The following MSH5 variants were observed in gnomAD, a reference collection of about 807,000 sequenced individuals.
MSH5 encodes the protein mutS homolog 5, also known as mutS protein homolog 5.
A neutral mutation model predicts 107.7 loss-of-function variants in MSH5; 78 were observed. That is an observed-to-expected ratio of 0.72 (90% CI 0.60 to 0.87). MSH5 has a LOEUF of 0.87. Among genes scored for constraint, MSH5 ranks in the 40% least tolerant of loss-of-function variants. MSH5 has a pLI of 0.00. For synonymous variants in MSH5, 326 were observed against 399.5 expected, an observed-to-expected ratio of 0.82 and a Z score of 2.19; for missense variants, 889 against 1,046.6, an observed-to-expected ratio of 0.85 and a Z score of 2.08.
chr6:31,740,296 G>A lies in MSH5; in HGVS notation c.-13-158G>A. The A allele has an allele frequency of 1.5e-6, 1 of 659,142 alleles. No individual in the cohort carries two copies. The highest frequency in any genetic ancestry group is 2.5e-6 in the Non-Finnish European group (1 of 403,640). The allele number at this position is 659,142 out of a possible 1,614,324, so 40.8% of individuals were successfully genotyped here. A position where few individuals can be genotyped will look rare whatever the true frequency, so the allele number is the denominator to read the frequency against. On this transcript the variant is annotated intron_variant, in intron 1 of 24. Coordinates refer to ENST00000375750, the MANE Select transcript of MSH5 (RefSeq NM_172166.4). The surrounding 1 kb of genome is among the most constrained non-coding windows in gnomAD (Gnocchi z 4.4). ...ATCTGTACTTTAGTTAAATACCCGA[G>A]AATTCACCTCCTGTGTCCACAGCTC...
chr6:31,749,161 A>C lies in MSH5; in HGVS notation c.812+1729A>C, dbSNP rs575723809. Among the ~76,000 whole-genome samples the C allele has an allele frequency of 3.9e-5, 6 of 152,020 alleles. No homozygotes were observed. The South Asian group carries it at 8.3e-4, about 21-fold the overall frequency. ...GAACTGCTGACCTCGTGATCTGCCC[A>C]CCTCGGCCTCCCAAAGTGCTGGGAT... On this transcript the variant is annotated intron_variant, in intron 10 of 24. Transcript: ENST00000375750.
chr6:31,754,753 CTTT>C (rs71552080), intron 12 of MSH5, among the ~76,000 whole-genome samples: 8 of 135,342 alleles, frequency 5.9e-5, no homozygotes, highest in African/African-American at 5.6e-5. Flanking sequence ...TTTCTTTTTT[CTTT>C]TTTTTTTTTT....
At position 31,760,690 on chromosome 6, in the gene MSH5, G is replaced by A. The variant is rs1308996881; in HGVS notation, c.1813G>A (p.Val605Ile). 2 of 1,612,974 alleles carry A rather than the reference G, an allele frequency of 1.2e-6. No individual in the cohort carries two copies. Among genetic ancestry groups the A allele is most frequent in the African/African-American group, 2.7e-5 (2 of 75,056 alleles). ...SSGKSIYLKQVGLITFMALVG... is the reference protein window; with the variant it reads ...SSGKSIYLKQIGLITFMALVG... ...AGGCCCTGTCTCCTTCCCTATTCAG[G>A]TAGGCTTGATCACATTCATGGCCCT... The change falls in exon 20 of 25, where the codon GTA (valine) becomes ATA (isoleucine). Residue 605 changes from valine (V) to isoleucine (I), a missense_variant and splice_region_variant. By Grantham distance (29) the Val-to-Ile change is conservative. Around this residue, in one of 3 missense-constraint regions of MSH5, gnomAD observed 362 missense variants for 456.2 expected, o/e 0.79. Coordinates refer to ENST00000375750, the MANE Select transcript of MSH5 (RefSeq NM_172166.4). This position sits in a 1 kb window ranked among gnomAD's most constrained non-coding sequence, Gnocchi z 5.6.
intron 12 of MSH5, chr6:31,757,901 C>A: frequency 1.9e-6 from 1 of 518,468 alleles, no homozygotes; most frequent in Admixed American, 3.5e-5. Flanking sequence ...AACTCCTGAC[C>A]TCAGGTGATC....
rs1810900488 is a variant in MSH5, at chr6:31,760,582, C to T, written c.1813-108C>T. On this transcript the variant is annotated intron_variant, in intron 19 of 24. Transcript: ENST00000375750. The surrounding 1 kb of genome is among the most constrained non-coding windows in gnomAD (Gnocchi z 5.6). ...TCAGTGTGTCTGTTACCTATTTCTC[C>T]TGTTTCACCCTGTCCATTTCTCTTT... 3 of 1,405,738 alleles carry T rather than the reference C, an allele frequency of 2.1e-6. No homozygotes were observed. The highest frequency in any genetic ancestry group is 2.3e-5 in the South Asian group (2 of 86,402). 87.1% of individuals were successfully genotyped at this position (1,405,738 alleles called of 1,614,324 possible).
At chr6:31,752,488 G>A (rs776858669) in intron 10 of MSH5, among the ~76,000 whole-genome samples, 6 of 152,112 alleles carry the variant, frequency 3.9e-5, no homozygotes, top group African/African-American at 7.2e-5. Context: ...TTTGGGAGCC[G>A]AGGCGGGCAG....
chr6:31,743,315 C>G (rs1037098478), intron 5 of MSH5, 145 bp downstream of exon 5: 3 of 805,448 alleles, frequency 3.7e-6, no homozygotes, highest in Admixed American at 4.2e-5. Flanking sequence ...CCTGTCCCCC[C>G]AAGATCTCTC....
chr6:31,747,544 G>A (rs1809572377), intron 10 of MSH5, 112 bp downstream of exon 10: 1 of 1,117,142 alleles, frequency 9.0e-7, no homozygotes, highest in Admixed American at 2.0e-5. Flanking sequence ...ACCCCACCTA[G>A]TAGTAGTAAA....
intron 23 of MSH5, 42 bp from the exon 24 acceptor site, chr6:31,762,070 C>G (rs1413557999): frequency 6.2e-7 from 1 of 1,612,860 alleles, no homozygotes; most frequent in Non-Finnish European, 8.5e-7. Flanking sequence ...CCCTTCTCTT[C>G]CCCACTCCCC....
At chr6:31,753,139 C>A in intron 10 of MSH5, 162 bp from the exon 11 acceptor site, 1 of 838,046 alleles carries the variant, frequency 1.2e-6, no homozygotes, top group Non-Finnish European at 1.9e-6. Context: ...CATGTAAACA[C>A]ACCTGAATGG....
At chr6:31,752,565 C>A (rs1026027319) in intron 10 of MSH5, among the ~76,000 whole-genome samples, 83 of 152,002 alleles carry the variant, frequency 5.5e-4, no homozygotes, top group African/African-American at 1.9e-3. Context: ...ACTAAAAATA[C>A]AACAATTAGC....
At position 31,753,443 on chromosome 6, in the gene MSH5, A is replaced by G. The variant is rs1810149163; in HGVS notation, c.951+4A>G. 1 of 1,613,246 alleles carries G rather than the reference A, an allele frequency of 6.2e-7. No homozygotes were observed. On this transcript the variant is annotated splice_donor_region_variant and intron_variant, in intron 11 of 24. Transcript: ENST00000375750. ...GGGTCACATCAAGAACGTGCCTGTG[A>G]GCCCAGGGTGGAGGGCAGGGAGGTG...
rs909080049 is a variant in MSH5, at chr6:31,758,047, C to T, written c.1015-118C>T. The T allele has an allele frequency of 2.6e-5, 33 of 1,288,166 alleles. No individual in the cohort carries two copies. Among genetic ancestry groups the T allele is most frequent in the Non-Finnish European group, 3.4e-5 (31 of 917,766 alleles). 79.8% of individuals were successfully genotyped at this position (1,288,166 alleles called of 1,614,324 possible). ...CACTGTTTCTTTTTGCCTTTGAGAT[C>T]TTCCCTCTTTGTTACTGTGATCTTC... On this transcript the variant is annotated intron_variant, in intron 12 of 24. Transcript: ENST00000375750. This position sits in a 1 kb window ranked among gnomAD's most constrained non-coding sequence, Gnocchi z 5.1.
At chr6:31,742,314 G>A (rs1486334777) in intron 3 of MSH5, among the ~76,000 whole-genome samples, 1 of 152,194 alleles carries the variant, frequency 6.6e-6, no homozygotes, top group African/African-American at 2.4e-5. Context: ...TGGAAGTGTA[G>A]TGGTGCCATC....
Position 31,759,026 on chromosome 6 carries a change from C to A in MSH5, c.1327-71C>A. 6.7e-7 allele frequency: 1 copy of A among 1,489,644 alleles called. No individual in the cohort carries two copies. The highest frequency in any genetic ancestry group is 9.4e-7 in the Non-Finnish European group (1 of 1,068,252). 92.3% of individuals were successfully genotyped at this position (1,489,644 alleles called of 1,614,324 possible). A position where few individuals can be genotyped will look rare whatever the true frequency, so the allele number is the denominator to read the frequency against. On this transcript the variant is annotated intron_variant, in intron 15 of 24. Transcript: ENST00000375750. This position sits in a 1 kb window ranked among gnomAD's most constrained non-coding sequence, Gnocchi z 4.7. ...GGGATACAGGGATCTTTTAAGCTCC[C>A]TCTAGGGTGGGGAGGTGTCCAGTAA...
chr6:31,749,011 G>C (rs903271574), intron 10 of MSH5, among the ~76,000 whole-genome samples: 1 of 150,858 alleles, frequency 6.6e-6, no homozygotes, highest in African/African-American at 2.4e-5. Context: ...CACCTCCCAG[G>C]TTCAAGCAAT....
chr6:31,744,339 A>T (rs748342055), intron 7 of MSH5, 40 bp downstream of exon 7: 2 of 1,612,984 alleles, frequency 1.2e-6, no homozygotes, highest in Non-Finnish European at 1.7e-6. Context: ...GTAATGTGGG[A>T]TTGGGAGGCC....
In MSH5 at chr6:31,744,240, G is replaced by A. The variant is rs1322400362; in HGVS notation, c.588G>A (p.Gly196=). 1.2e-6 allele frequency: 2 copies of A among 1,614,032 alleles called. No individual in the cohort carries two copies. Among genetic ancestry groups the A allele is most frequent in the Admixed American group, 1.7e-5 (1 of 59,994 alleles). The change falls in exon 7 of 25, where the codon GGG becomes GGA. Residue 196 remains glycine (G), a synonymous_variant. Transcript: ENST00000375750. ...AGTTCCTGGGTCGAAGAAGAATCGG[G>A]GTTGAACTGGAAGACTATAATGTCA... The part of the protein sequence containing the change: ...LLKFLGRRRI[G]VELEDYNVSV...
chr6:31,761,368 G>A lies in MSH5; in HGVS notation c.2038-104G>A, dbSNP rs1810975645. On this transcript the variant is annotated intron_variant, in intron 21 of 24. Transcript: ENST00000375750. This position sits in a 1 kb window ranked among gnomAD's most constrained non-coding sequence, Gnocchi z 5.3. ...CCTCTGGAATGGAATAGGGCTGTGT[G>A]GGCAGAAAAGAAATAGAACACGAGA... 1 of 1,603,456 alleles carries A rather than the reference G, an allele frequency of 6.2e-7. No homozygotes were observed. The highest frequency in any genetic ancestry group is 1.3e-5 in the African/African-American group (1 of 74,634).
Sources: allele counts gnomAD v4.1 joint callset (sites outside exome capture counted in the v4.1 genomes callset), GRCh38; gene constraint gnomAD v4.1.1; regional missense constraint gnomAD v4.1.1; non-coding constraint Gnocchi (gnomAD v3.1); transcripts MANE v1.5; gene names NCBI Gene and HGNC (gene_info 2026-07-23, HGNC 2026-07-21).